NTNG1: variants seen among roughly 807,000 people sequenced by gnomAD.
NTNG1 encodes netrin-G1.
A neutral mutation model predicts 54.0 loss-of-function variants in NTNG1; 16 were observed. The observed-to-expected ratio is 0.30, with a 90% CI of 0.20 to 0.45. The LOEUF is 0.45. Among genes scored for constraint, NTNG1 ranks in the 20% least tolerant of loss-of-function variants. NTNG1 has a pLI of 1.00. For synonymous variants in NTNG1, 255 were observed against 263.1 expected, an observed-to-expected ratio of 0.97 and a Z score of 0.30; for missense variants, 530 against 678.7, an observed-to-expected ratio of 0.78 and a Z score of 2.43.
At chr1:107,280,396 C>T (rs1416861997) in intron 2 of NTNG1, among the ~76,000 whole-genome samples, 1 of 151,624 alleles carries the variant, frequency 6.6e-6, no homozygotes, top group African/African-American at 2.4e-5. Context: ...GCATGTCTAT[C>T]TTTCTTTGAG....
intron 2 of NTNG1, among the ~76,000 whole-genome samples, chr1:107,205,601 TCA>T (rs1659116013): frequency 6.6e-6 from 1 of 152,110 alleles, no homozygotes; most frequent in Admixed American, 6.5e-5. Context: ...CAATTCTTTT[TCA>T]GTGTATAAAG....
chr1:107,164,858 A>C (rs769422721), intron 2 of NTNG1, among the ~76,000 whole-genome samples: 1 of 152,314 alleles, frequency 6.6e-6, no homozygotes, highest in East Asian at 1.9e-4. Flanking sequence ...GAAGGGTGCA[A>C]CTTGCGACTG....
chr1:107,278,047 A>T (rs766810363), intron 2 of NTNG1, among the ~76,000 whole-genome samples: 2 of 152,080 alleles, frequency 1.3e-5, no homozygotes, highest in Non-Finnish European at 2.9e-5. Context: ...GCTCAATCCC[A>T]CTCTAGTTCC....
intron 3 of NTNG1, among the ~76,000 whole-genome samples, chr1:107,341,117 C>A (rs1668872949): frequency 6.6e-6 from 1 of 151,946 alleles, no homozygotes; most frequent in African/African-American, 2.4e-5. Context: ...AGCAAGACCC[C>A]ATCTCTTATA....
chr1:107,433,572 T>C (rs1459701452), intron 6 of NTNG1, among the ~76,000 whole-genome samples: 1 of 152,042 alleles, frequency 6.6e-6, no homozygotes, highest in Non-Finnish European at 1.5e-5. Context: ...AAATAAAAAG[T>C]AATATTAGCT....
intron 1 of NTNG1, among the ~76,000 whole-genome samples, chr1:107,145,513 T>C (rs1035799359): frequency 6.6e-6 from 1 of 152,176 alleles, no homozygotes; most frequent in Middle Eastern, 3.4e-3. Context: ...GCTCCTGATC[T>C]GTAATACGCC....
At chr1:107,411,739 T>C (rs1673829751) in intron 5 of NTNG1, among the ~76,000 whole-genome samples, 2 of 152,186 alleles carry the variant, frequency 1.3e-5, no homozygotes, top group African/African-American at 4.8e-5. Flanking sequence ...GCTACATTAA[T>C]TTTGAACTGT....
At chr1:107,216,359 G>A (rs541746946) in intron 2 of NTNG1, among the ~76,000 whole-genome samples, 3 of 152,254 alleles carry the variant, frequency 2.0e-5, no homozygotes, top group East Asian at 3.9e-4. Context: ...ATCATAAGTG[G>A]ATGCTGGATT....
chr1:107,385,562 G>A (rs943596818), intron 3 of NTNG1, among the ~76,000 whole-genome samples: 2 of 151,070 alleles, frequency 1.3e-5, no homozygotes, highest in African/African-American at 4.9e-5. Context: ...ACTGGTGACT[G>A]TGTACCCAGC....
chr1:107,181,554 A>AACATTTTCCAGAATCCTTTCAAAG, intron 2 of NTNG1, among the ~76,000 whole-genome samples: 1 of 10,882 alleles, frequency 9.2e-5, no homozygotes. Context: ...TGTGAGGAAA[A>AACATTTTCCAGAATCCTTTCAAAG]AACTGTGGCT....
At chr1:107,420,242 T>C (rs1461323302) in intron 5 of NTNG1, among the ~76,000 whole-genome samples, 1 of 152,112 alleles carries the variant, frequency 6.6e-6, no homozygotes, top group African/African-American at 2.4e-5. Flanking sequence ...CATTATGTAA[T>C]ACCAGTTGCA....
chr1:107,407,850 G>C (rs761189181), intron 5 of NTNG1, 142 bp downstream of exon 5: 1 of 789,606 alleles, frequency 1.3e-6, no homozygotes, highest in South Asian at 1.3e-5. Context: ...TTTTTGTGTT[G>C]GTTTTCTGCA....
intron 4 of NTNG1, among the ~76,000 whole-genome samples, chr1:107,405,548 T>A (rs1000678260): frequency 4.6e-5 from 7 of 152,072 alleles, no homozygotes; most frequent in African/African-American, 1.7e-4. Flanking sequence ...AATGAAAAAA[T>A]TTCTGCATCT....
intron 3 of NTNG1, among the ~76,000 whole-genome samples, chr1:107,363,242 A>T (rs1462700847): frequency 6.6e-6 from 1 of 152,158 alleles, no homozygotes; most frequent in Non-Finnish European, 1.5e-5. Context: ...TGGTTTTCTG[A>T]AGGAAAAAAG....
intron 2 of NTNG1, among the ~76,000 whole-genome samples, chr1:107,212,671 C>T (rs546899177): frequency 4.6e-5 from 7 of 152,042 alleles, no homozygotes; most frequent in African/African-American, 1.4e-4. Context: ...GGACATAGCC[C>T]GAACAATCTG....
intron 2 of NTNG1, among the ~76,000 whole-genome samples, chr1:107,297,479 A>G (rs1666054350): frequency 1.3e-5 from 2 of 151,864 alleles, no homozygotes. Context: ...TTTCTATTAG[A>G]CATCTAACAA....
chr1:107,170,235 C>G (rs1418367038), intron 2 of NTNG1, among the ~76,000 whole-genome samples: 1 of 152,078 alleles, frequency 6.6e-6, no homozygotes, highest in Non-Finnish European at 1.5e-5. Context: ...TTGATTAAGG[C>G]TTCTTACGTA....
chr1:107,252,652 C>T (rs1662683064), intron 2 of NTNG1, among the ~76,000 whole-genome samples: 1 of 152,184 alleles, frequency 6.6e-6, no homozygotes, highest in South Asian at 2.1e-4. Flanking sequence ...CTGATTACTG[C>T]TTGGATATCA....
chr1:107,181,906 C>T (rs1187093087), intron 2 of NTNG1, among the ~76,000 whole-genome samples: 2 of 152,122 alleles, frequency 1.3e-5, no homozygotes, highest in African/African-American at 4.8e-5. Flanking sequence ...ATTTGCATCT[C>T]ATTCTGGTTG....
Sources: gnomAD v4.1 joint callset for allele counts (sites outside exome capture counted in the v4.1 genomes callset) on GRCh38, gnomAD v4.1.1 for gene constraint, MANE v1.5 for transcripts, NCBI Gene and HGNC (gene_info 2026-07-23, HGNC 2026-07-21) for gene names.